The following IFT140 variants were observed in gnomAD, a reference collection of about 807,000 sequenced individuals.
IFT140 encodes the protein intraflagellar transport protein 140 homolog.
In IFT140, 133 loss-of-function variants were observed where a neutral mutation model predicts 164.6. The observed-to-expected ratio is 0.81, with a 90% CI of 0.70 to 0.93. The LOEUF is 0.93. Among genes scored for constraint, IFT140 ranks in the 40% least tolerant of loss-of-function variants. The pLI is 0.00. For missense variants in IFT140, 2,045 were observed against 1,972.3 expected, an observed-to-expected ratio of 1.04 and a Z score of -0.70; for synonymous variants, 860 against 817.3, an observed-to-expected ratio of 1.05 and a Z score of -0.89.
Position 1,552,450 on chromosome 16 carries a change from C to T in IFT140, c.2399+5485G>A, listed in dbSNP as rs1233942490. 2.0e-5 allele frequency among the ~76,000 whole-genome samples: 3 copies of T among 152,236 alleles called. No individual in the cohort carries two copies. In the East Asian group the frequency reaches 5.8e-4, roughly 29 times the overall value. On this transcript the variant is annotated intron_variant, in intron 19 of 30. Coordinates refer to ENST00000426508, the MANE Select transcript of IFT140 (RefSeq NM_014714.4). Reference sequence around the variant, plus strand: ...GACACCAGCACAACCCACACCCCACCGGCAGAAAGTGCCAGACCCCGTAAA... The same window carrying T: ...GACACCAGCACAACCCACACCCCACTGGCAGAAAGTGCCAGACCCCGTAAA...
chr16:1,567,232 G>A lies in IFT140; in HGVS notation c.1771-941C>T, dbSNP rs552087245. Among the ~76,000 whole-genome samples the A allele has an allele frequency of 3.9e-5, 6 of 152,230 alleles. No individual in the cohort carries two copies. In the South Asian group the frequency reaches 1.2e-3, roughly 32 times the overall value. Reference sequence around the variant, plus strand: ...GACCAAGTAGGCATCTGCACCCACCGACCCTTTGATTCATCTTCTAGAAAG... The same window carrying A: ...GACCAAGTAGGCATCTGCACCCACCAACCCTTTGATTCATCTTCTAGAAAG... On this transcript the variant is annotated intron_variant, in intron 15 of 30. Coordinates refer to ENST00000426508, the MANE Select transcript of IFT140 (RefSeq NM_014714.4).
At chr16:1,534,846 G>A (rs143833421) in intron 19 of IFT140, among the ~76,000 whole-genome samples, 2,794 of 152,314 alleles carry the variant, frequency 0.018, 36 homozygotes, top group Non-Finnish European at 0.026. Context: ...CCTCTCTGCC[G>A]TTACACATAG....
chr16:1,541,958 C>T, intron 19 of IFT140: 2 of 1,609,046 alleles, frequency 1.2e-6, no homozygotes, highest in Non-Finnish European at 1.7e-6. Context: ...ACCTGGTGGC[C>T]ACGGCCGCGC....
intron 4 of IFT140, among the ~76,000 whole-genome samples, chr16:1,597,447 G>A (rs1209112739): frequency 6.6e-6 from 1 of 152,194 alleles, no homozygotes; most frequent in African/African-American, 2.4e-5. Flanking sequence ...GGGAGACTGT[G>A]GGATACCCCA....
At chr16:1,538,768 C>T (rs2031324662) in intron 19 of IFT140, among the ~76,000 whole-genome samples, 1 of 152,200 alleles carries the variant, frequency 6.6e-6, no homozygotes, top group East Asian at 1.9e-4. Context: ...AATGTGTGGA[C>T]AGGACGCCCT....
At chr16:1,521,630 G>A (rs1391276409) in intron 26 of IFT140, among the ~76,000 whole-genome samples, 1 of 149,846 alleles carries the variant, frequency 6.7e-6, no homozygotes, top group Non-Finnish European at 1.5e-5. Flanking sequence ...GACCTCAGGT[G>A]ATCCACCCAC....
At chr16:1,578,861 G>A (rs956444189) in intron 13 of IFT140, among the ~76,000 whole-genome samples, 2 of 152,084 alleles carry the variant, frequency 1.3e-5, no homozygotes. Context: ...ATAGGCGTGC[G>A]CCACCACACT....
At chr16:1,557,087 T>C (rs1225722737) in intron 19 of IFT140, among the ~76,000 whole-genome samples, 1 of 151,916 alleles carries the variant, frequency 6.6e-6, no homozygotes, top group Non-Finnish European at 1.5e-5. Flanking sequence ...CCCAAAGTGC[T>C]GGGATTAAAG....
chr16:1,511,030 C>T lies in IFT140; in HGVS notation c.4303G>A (p.Val1435Ile), dbSNP rs145746065. Reference sequence around the variant, plus strand: ...CTGTTGTGGCGGACCTGCTCGGGGACGGTGCGTGGCAGTGGGAGACCCAGC... The same window carrying T: ...CTGTTGTGGCGGACCTGCTCGGGGATGGTGCGTGGCAGTGGGAGACCCAGC... ...RGLGLPLPRT[V>I]PEQVRHNSME... The change falls in exon 31 of 31, where the codon GTC (valine) becomes ATC (isoleucine). Residue 1435 changes from valine (V) to isoleucine (I), a missense_variant. Physicochemically the swap from Val to Ile is conservative, Grantham distance 29 (BLOSUM62 3). Transcript: ENST00000426508. 6.0e-5 allele frequency: 96 copies of T among 1,604,056 alleles called. No homozygotes were observed. The highest frequency in any genetic ancestry group is 1.6e-4 in the African/African-American group (12 of 74,910).
intron 2 of IFT140, among the ~76,000 whole-genome samples, chr16:1,608,322 T>C (rs1050614717): frequency 2.0e-5 from 3 of 152,188 alleles, no homozygotes; most frequent in Non-Finnish European, 2.9e-5. Context: ...GAGAAGAACA[T>C]ACTTGTAGCC....
Position 1,566,385 on chromosome 16 carries a change from G to C in IFT140, c.1771-94C>G. The C allele has an allele frequency of 1.2e-5, 15 of 1,226,864 alleles. No individual in the cohort carries two copies. The South Asian group carries it at 1.9e-4, about 16-fold the overall frequency. 76.0% of individuals were successfully genotyped at this position (1,226,864 alleles called of 1,614,324 possible). A position where few individuals can be genotyped will look rare whatever the true frequency, so the allele number is the denominator to read the frequency against. On this transcript the variant is annotated intron_variant, in intron 15 of 30. Transcript: ENST00000426508. The stretch of plus-strand genomic sequence containing the variant: ...GGGACTGACACAGCACATGTCAAGA[G>C]AAACACACCCAGTGTCACCAAGTCC...
chr16:1,582,348 A>G (rs980755603), intron 12 of IFT140, among the ~76,000 whole-genome samples: 5 of 152,168 alleles, frequency 3.3e-5, no homozygotes, highest in African/African-American at 1.2e-4. Flanking sequence ...CAGAGACTGG[A>G]GGTTTGTGAC....
chr16:1,535,573 G>A (rs942845002), intron 19 of IFT140, among the ~76,000 whole-genome samples: 6 of 152,170 alleles, frequency 3.9e-5, no homozygotes, highest in African/African-American at 1.4e-4. Flanking sequence ...CGGAGTACTG[G>A]GGTAACACAC....
chr16:1,587,753 T>C (rs976867497), intron 8 of IFT140, among the ~76,000 whole-genome samples, 180 bp downstream of exon 8: 9 of 152,094 alleles, frequency 5.9e-5, no homozygotes, highest in African/African-American at 2.2e-4. Context: ...CAGGGACTCT[T>C]GGGGTCTCTT....
intron 19 of IFT140, among the ~76,000 whole-genome samples, chr16:1,544,428 GC>G (rs1360839494): frequency 1.3e-5 from 2 of 151,420 alleles, no homozygotes; most frequent in African/African-American, 4.9e-5. Context: ...CTCGTGATCC[GC>G]CCACCTTGGC....
intron 13 of IFT140, chr16:1,580,508 C>T (rs1424355089): frequency 5.1e-6 from 2 of 394,242 alleles, no homozygotes; most frequent in Non-Finnish European, 9.3e-6. Flanking sequence ...GATGTGCCTG[C>T]TTCCCATTCG....
intron 19 of IFT140, chr16:1,528,548 T>TGCACACACAC (rs777547252): frequency 6.6e-6 from 1 of 152,260 alleles, no homozygotes. Context: ...TGCACGCACA[T>TGCACACACAC]GCACACACAC....
chr16:1,552,568 C>A (rs990612731), intron 19 of IFT140, among the ~76,000 whole-genome samples: 1 of 151,952 alleles, frequency 6.6e-6, no homozygotes, highest in African/African-American at 2.4e-5. Context: ...CGATACCACA[C>A]AATCGTGAGC....
chr16:1,511,842 G>T (rs182229675), intron 30 of IFT140, among the ~76,000 whole-genome samples: 1 of 151,940 alleles, frequency 6.6e-6, no homozygotes, highest in Admixed American at 6.6e-5. Context: ...GACACAGGAC[G>T]TAAGGGCACA....
Sources: allele counts gnomAD v4.1 joint callset (sites outside exome capture counted in the v4.1 genomes callset), GRCh38; gene constraint gnomAD v4.1.1; transcripts MANE v1.5; gene names NCBI Gene and HGNC (gene_info 2026-07-23, HGNC 2026-07-21).